ADAMTS6: variants seen among roughly 807,000 people sequenced by gnomAD.
ADAMTS6 encodes the protein ADAM metallopeptidase with thrombospondin type 1 motif 6, also known as A disintegrin and metalloproteinase with thrombospondin motifs 6.
A neutral mutation model predicts 144.3 loss-of-function variants in ADAMTS6; 23 were observed. The observed-to-expected ratio is 0.16, with a 90% CI of 0.11 to 0.23. The LOEUF (loss-of-function observed/expected upper bound fraction) is 0.23, where lower values mean the gene tolerates loss of function less well. Ranked by LOEUF, ADAMTS6 falls within the 10% of genes least tolerant of loss-of-function variation. The probability of loss-of-function intolerance (pLI) is 1.00; values close to 1 mark genes in which losing one functional copy is unlikely to be tolerated. For missense variants in ADAMTS6, 999 were observed against 1,379.6 expected, an observed-to-expected ratio of 0.72 and a Z score of 4.37; for synonymous variants, 444 against 457.5, an observed-to-expected ratio of 0.97 and a Z score of 0.38.
intron 12 of ADAMTS6, among the ~76,000 whole-genome samples, chr5:65,268,779 T>C (rs1761832988): frequency 6.6e-6 from 1 of 152,238 alleles, no homozygotes; most frequent in Non-Finnish European, 1.5e-5. Flanking sequence ...TTCCCATACT[T>C]ACATGGAACA....
intron 24 of ADAMTS6, among the ~76,000 whole-genome samples, chr5:65,160,401 G>T (rs1723141528): frequency 6.6e-6 from 1 of 150,908 alleles, no homozygotes; most frequent in South Asian, 2.1e-4. Flanking sequence ...CCGCCTCCCG[G>T]GTTCACGCCA....
intron 24 of ADAMTS6, among the ~76,000 whole-genome samples, chr5:65,157,526 T>C (rs1469909470): frequency 1.3e-5 from 2 of 152,216 alleles, no homozygotes; most frequent in East Asian, 3.9e-4. Context: ...ACCATCAGCA[T>C]CTCTCTTTGG....
At chr5:65,367,351 C>A (rs1750398671) in intron 7 of ADAMTS6, among the ~76,000 whole-genome samples, 1 of 152,114 alleles carries the variant, frequency 6.6e-6, no homozygotes, top group Admixed American at 6.5e-5. Flanking sequence ...GCCTTGAGAA[C>A]ACATATGGGT....
At chr5:65,259,848 G>C (rs1363953819) in intron 14 of ADAMTS6, among the ~76,000 whole-genome samples, 2 of 152,154 alleles carry the variant, frequency 1.3e-5, no homozygotes, top group Non-Finnish European at 2.9e-5. Context: ...CAGTAGTAGA[G>C]GTGGAAAGCA....
intron 7 of ADAMTS6, among the ~76,000 whole-genome samples, chr5:65,410,827 T>C (rs1754988345): frequency 1.3e-5 from 2 of 152,184 alleles, no homozygotes; most frequent in African/African-American, 4.8e-5. Context: ...GGTTCATTCA[T>C]GCCATCACAA....
In ADAMTS6 at chr5:65,474,549, C is replaced by T. The variant is rs146335240; in HGVS notation, c.-279-597G>A. ...GTCTTATGTGACTTATAAGGCAACT[C>T]GTGAGTCAATTTCAACTCTCTGAAA... On this transcript the variant is annotated intron_variant, in intron 1 of 24. Coordinates refer to ENST00000381055, the MANE Select transcript of ADAMTS6 (RefSeq NM_197941.4). Among the ~76,000 whole-genome samples, 108 of 152,038 alleles carry T rather than the reference C, an allele frequency of 7.1e-4. 1 individual carries two copies. In the East Asian group the frequency reaches 0.018, roughly 25 times the overall value.
intron 3 of ADAMTS6, among the ~76,000 whole-genome samples, chr5:65,462,522 AACTGTTCC>A (rs1168993965): frequency 1.3e-5 from 2 of 152,214 alleles, no homozygotes; most frequent in Non-Finnish European, 2.9e-5. Context: ...ACGTACCACT[AACTGTTCC>A]ACTTTGTAGA....
intron 15 of ADAMTS6, among the ~76,000 whole-genome samples, chr5:65,240,475 ATGTT>A (rs1222317997): frequency 6.6e-6 from 1 of 152,152 alleles, no homozygotes; most frequent in Non-Finnish European, 1.5e-5. Flanking sequence ...TATGGACTGA[ATGTT>A]TGTGTCCCCC....
intron 14 of ADAMTS6, among the ~76,000 whole-genome samples, chr5:65,254,091 C>CA (rs1760448840): frequency 6.6e-6 from 1 of 151,942 alleles, no homozygotes; most frequent in Non-Finnish European, 1.5e-5. Context: ...GTGATCTGCT[C>CA]ACCTTGGACT....
In ADAMTS6 at chr5:65,214,886, A is replaced by G; in HGVS notation, c.2483T>C (p.Val828Ala). The change falls in exon 20 of 25, where the codon GTT becomes GCT. Residue 828 changes from valine (V) to alanine (A), a missense_variant. Physicochemically the swap from Val to Ala is moderately conservative, Grantham distance 64 (BLOSUM62 0). Around this residue, in one of 3 missense-constraint regions of ADAMTS6, gnomAD observed 619 missense variants for 837.0 expected, o/e 0.74. Transcript: ENST00000381055. This position sits in a 1 kb window ranked among gnomAD's most constrained non-coding sequence, Gnocchi z 4.6. ...TCCACTGCCAGTTCGAGTGATGGGA[A>G]CATTGAACTTATACCTAATTCCCAA... ...QNLGIRYKFN[V>A]PITRTGSGDN... is the part of the protein sequence containing the mutation. 1 of 1,614,146 alleles carries G rather than the reference A, an allele frequency of 6.2e-7. No homozygotes were observed. Among genetic ancestry groups the G allele is most frequent in the Non-Finnish European group, 8.5e-7 (1 of 1,179,992 alleles).
chr5:65,178,905 C>T (rs1410398486), intron 22 of ADAMTS6, among the ~76,000 whole-genome samples: 1 of 152,226 alleles, frequency 6.6e-6, no homozygotes, highest in East Asian at 1.9e-4. Context: ...CCCAGTTGAA[C>T]ATAACTGTGT....
intron 7 of ADAMTS6, among the ~76,000 whole-genome samples, chr5:65,375,851 G>C (rs980095829): frequency 6.6e-6 from 1 of 152,124 alleles, no homozygotes. Flanking sequence ...GCAAAGACTT[G>C]GAACCAACCC....
chr5:65,314,992 G>T (rs1295197611), intron 9 of ADAMTS6, among the ~76,000 whole-genome samples: 1 of 151,942 alleles, frequency 6.6e-6, no homozygotes, highest in Non-Finnish European at 1.5e-5. Flanking sequence ...CCCCATAAAT[G>T]CATACAACTA....
chr5:65,265,433 C>A (rs538580649), intron 12 of ADAMTS6, among the ~76,000 whole-genome samples: 27 of 152,050 alleles, frequency 1.8e-4, no homozygotes, highest in Admixed American at 8.5e-4. Flanking sequence ...TGCACCTATA[C>A]AAAAGTCACA....
intron 3 of ADAMTS6, among the ~76,000 whole-genome samples, chr5:65,462,167 A>G (rs1311612756): frequency 6.6e-6 from 1 of 152,222 alleles, no homozygotes; most frequent in Non-Finnish European, 1.5e-5. Flanking sequence ...AGTATGAAGT[A>G]CTTTACCAGG....
rs551224417 is a variant in ADAMTS6 at position 65,465,695 on chromosome 5, G to A, written c.462+5083C>T. Among the ~76,000 whole-genome samples the A allele has an allele frequency of 5.9e-5, 9 of 152,268 alleles. No homozygotes were observed. In the South Asian group the frequency reaches 1.9e-3, roughly 32 times the overall value. ...CTCAATGATAAATTCAATGCAATTT[G>A]CAGTGCTACTCTTATTTGGACTCAT... On this transcript the variant is annotated intron_variant, in intron 3 of 24. Transcript: ENST00000381055.
chr5:65,397,114 GT>G (rs1753407224), intron 7 of ADAMTS6, among the ~76,000 whole-genome samples: 1 of 152,168 alleles, frequency 6.6e-6, no homozygotes, highest in African/African-American at 2.4e-5. Context: ...GTTATCAAAT[GT>G]GAGAGCATAG....
intron 7 of ADAMTS6, among the ~76,000 whole-genome samples, chr5:65,348,762 A>C (rs1748579417): frequency 3.3e-5 from 5 of 152,094 alleles, no homozygotes; most frequent in African/African-American, 1.2e-4. Context: ...GTACGCCATA[A>C]ATATATACAA....
intron 10 of ADAMTS6, among the ~76,000 whole-genome samples, chr5:65,299,631 T>G (rs1743174538): frequency 6.6e-6 from 1 of 152,116 alleles, no homozygotes; most frequent in Non-Finnish European, 1.5e-5. Flanking sequence ...TAGAACTCAG[T>G]TTTTTCACTG....
Sources: allele counts gnomAD v4.1 joint callset (sites outside exome capture counted in the v4.1 genomes callset), GRCh38; gene constraint gnomAD v4.1.1; regional missense constraint gnomAD v4.1.1; non-coding constraint Gnocchi (gnomAD v3.1); transcripts MANE v1.5; gene names NCBI Gene and HGNC (gene_info 2026-07-23, HGNC 2026-07-21).